RSPO2: variants seen among roughly 807,000 people sequenced by gnomAD.
RSPO2 encodes R-spondin 2, also known as R-spondin-2.
RSPO2 carries 14 observed loss-of-function variants against 30.9 expected under a neutral mutation model. That is an observed-to-expected ratio of 0.45 (90% CI 0.30 to 0.71). The LOEUF is 0.71. Among genes scored for constraint, RSPO2 ranks in the 30% least tolerant of loss-of-function variants. The probability of loss-of-function intolerance (pLI) is 0.08; values close to 1 mark genes in which losing one functional copy is unlikely to be tolerated. For synonymous variants in RSPO2, 107 were observed against 96.4 expected (o/e 1.11, Z -0.64); for missense variants, 264 against 301.9 (o/e 0.87, Z 0.93).
chr8:107,962,241 A>T (rs542105367), intron 3 of RSPO2, among the ~76,000 whole-genome samples: 8 of 152,322 alleles, frequency 5.3e-5, no homozygotes, highest in Admixed American at 1.3e-4. Context: ...CAAAATGTTA[A>T]ATCACTGAAG....
chr8:108,000,318 T>C (rs1224347798), intron 2 of RSPO2, among the ~76,000 whole-genome samples: 1 of 152,116 alleles, frequency 6.6e-6, no homozygotes, highest in Non-Finnish European at 1.5e-5. Context: ...AAAATAACTT[T>C]GGTTCAATAC....
intron 5 of RSPO2, among the ~76,000 whole-genome samples, chr8:107,929,060 G>T (rs890990719): frequency 4.6e-5 from 7 of 152,164 alleles, no homozygotes; most frequent in Non-Finnish European, 8.8e-5. Context: ...CAAGGCCAAT[G>T]CCACGGCTGC....
intron 5 of RSPO2, among the ~76,000 whole-genome samples, chr8:107,906,560 T>C (rs1298809710): frequency 1.6e-4 from 24 of 151,968 alleles, no homozygotes; most frequent in Admixed American, 1.6e-3. Context: ...TGCAGAGTCA[T>C]CACTTGTAAT....
Position 107,900,283 on chromosome 8 carries a change from A to G in RSPO2, c.*792T>C, listed in dbSNP as rs921345809. 3 of 152,056 alleles carry G rather than the reference A, an allele frequency of 2.0e-5. No individual in the cohort carries two copies. The highest frequency in any genetic ancestry group is 6.6e-5 in the Admixed American group (1 of 15,264). 9.4% of individuals were successfully genotyped at this position (152,056 alleles called of 1,614,324 possible). ...TCTTTGACACTGGTCATTTGACTCTATATACAAAAACTAGTTTATCCTACC... is the reference window on the plus strand; with the variant it reads ...TCTTTGACACTGGTCATTTGACTCTGTATACAAAAACTAGTTTATCCTACC... On this transcript the variant is annotated 3_prime_UTR_variant, in exon 6 of 6. Transcript: ENST00000276659.
intron 2 of RSPO2, among the ~76,000 whole-genome samples, chr8:108,056,445 C>A (rs1431930032): frequency 7.0e-6 from 1 of 142,872 alleles, no homozygotes; most frequent in African/African-American, 2.9e-5. Flanking sequence ...ATGGCAAAAC[C>A]CCATCTCTAT....
chr8:107,941,674 C>G (rs1812901418), intron 5 of RSPO2, among the ~76,000 whole-genome samples: 1 of 152,202 alleles, frequency 6.6e-6, no homozygotes, highest in South Asian at 2.1e-4. Context: ...CAGCATGTTG[C>G]TTATTCTGTT....
intron 2 of RSPO2, among the ~76,000 whole-genome samples, chr8:108,073,675 C>T (rs1812922903): frequency 6.6e-6 from 1 of 152,154 alleles, no homozygotes. Flanking sequence ...AACAAAACCC[C>T]TATACTGTAT....
At chr8:108,065,912 C>T (rs1443243154) in intron 2 of RSPO2, among the ~76,000 whole-genome samples, 1 of 152,104 alleles carries the variant, frequency 6.6e-6, no homozygotes, top group African/African-American at 2.4e-5. Flanking sequence ...GTGGTGGGTG[C>T]CTGTAATCCC....
intron 2 of RSPO2, among the ~76,000 whole-genome samples, chr8:108,021,440 A>G (rs942572583): frequency 6.6e-6 from 1 of 152,218 alleles, no homozygotes; most frequent in Non-Finnish European, 1.5e-5. Flanking sequence ...TCCTTCCTCC[A>G]TACTTAAGGC....
chr8:107,986,540 T>A, intron 3 of RSPO2, among the ~76,000 whole-genome samples: 1 of 152,204 alleles, frequency 6.6e-6, no homozygotes, highest in Non-Finnish European at 1.5e-5. Context: ...ATTGATATAC[T>A]ACAAAGTATT....
chr8:108,022,921 C>CA (rs35195076), intron 2 of RSPO2, among the ~76,000 whole-genome samples: 3,495 of 93,718 alleles, frequency 0.037, 62 homozygotes, highest in African/African-American at 0.071. Context: ...ACAAAACTGT[C>CA]AAAAAAAAAA....
At chr8:107,998,264 A>G (rs890580587) in intron 2 of RSPO2, among the ~76,000 whole-genome samples, 9 of 152,050 alleles carry the variant, frequency 5.9e-5, no homozygotes, top group African/African-American at 1.7e-4. Flanking sequence ...TCTGGCACCA[A>G]TAACAGGGAA....
intron 3 of RSPO2, among the ~76,000 whole-genome samples, chr8:107,979,935 TACA>T (rs1814365246): frequency 6.6e-6 from 1 of 152,236 alleles, no homozygotes; most frequent in Admixed American, 6.5e-5. Flanking sequence ...GATGACATTC[TACA>T]ACAAGAGCAT....
At chr8:107,986,691 A>G (rs1814648915) in intron 3 of RSPO2, among the ~76,000 whole-genome samples, 1 of 152,158 alleles carries the variant, frequency 6.6e-6, no homozygotes. Context: ...CCTATTGTCC[A>G]TATAAGTACA....
chr8:107,951,873 G>A (rs1435502752), intron 5 of RSPO2, among the ~76,000 whole-genome samples: 1 of 152,032 alleles, frequency 6.6e-6, no homozygotes, highest in Admixed American at 6.5e-5. Flanking sequence ...CTATGTCCAT[G>A]TCTATGCCCA....
intron 5 of RSPO2, among the ~76,000 whole-genome samples, chr8:107,925,092 A>C (rs1586548001): frequency 1.3e-5 from 2 of 152,014 alleles, no homozygotes; most frequent in East Asian, 3.9e-4. Flanking sequence ...ATCTTTTATG[A>C]ATGCATTTTT....
chr8:108,081,273 A>G (rs1459071911), intron 2 of RSPO2, among the ~76,000 whole-genome samples: 4 of 152,184 alleles, frequency 2.6e-5, no homozygotes, highest in South Asian at 4.1e-4. Flanking sequence ...ACAGCTTAAC[A>G]ATGTCCTAAA....
In RSPO2 at chr8:107,911,415, G is replaced by A. The variant is rs368169532; in HGVS notation, c.617-10225C>T. Among the ~76,000 whole-genome samples, 17 of 152,274 alleles carry A rather than the reference G, an allele frequency of 1.1e-4. No individual in the cohort carries two copies. In the East Asian group the frequency reaches 1.4e-3, roughly 12 times the overall value. ...AAGGTTAAGAACATGAGTCTGGGGC[G>A]TCAGACAGCCCTAGATTCAAAGCAG... On this transcript the variant is annotated intron_variant, in intron 5 of 5. Coordinates refer to ENST00000276659, the MANE Select transcript of RSPO2 (RefSeq NM_178565.5).
intron 3 of RSPO2, among the ~76,000 whole-genome samples, chr8:107,967,642 G>T (rs1813850267): frequency 6.6e-6 from 1 of 152,100 alleles, no homozygotes; most frequent in Admixed American, 6.6e-5. Context: ...AGAAGATACA[G>T]GGTTAAAGTC....
Sources: gnomAD v4.1 joint callset for allele counts (sites outside exome capture counted in the v4.1 genomes callset) on GRCh38, gnomAD v4.1.1 for gene constraint, MANE v1.5 for transcripts, NCBI Gene and HGNC (gene_info 2026-07-23, HGNC 2026-07-21) for gene names.